SLC38A10: variants seen among roughly 807,000 people sequenced by gnomAD.
SLC38A10 encodes Sodium-coupled neutral amino acid transporter 10.
Under a neutral mutation model 81.0 loss-of-function variants are expected in SLC38A10, and 53 were observed. The ratio of observed to expected loss-of-function variants is 0.65; its 90% CI spans 0.53 to 0.82. The LOEUF (loss-of-function observed/expected upper bound fraction) is 0.82. Ranked by LOEUF, SLC38A10 falls within the 40% of genes least tolerant of loss-of-function variation. The probability of loss-of-function intolerance (pLI) is 0.00; values close to 1 mark genes in which losing one functional copy is unlikely to be tolerated. For synonymous variants in SLC38A10, 665 were observed against 655.3 expected, an observed-to-expected ratio of 1.01 and a Z score of -0.23; for missense variants, 1,471 against 1,545.0, an observed-to-expected ratio of 0.95 and a Z score of 0.80.
intron 6 of SLC38A10, chr17:81,279,613 C>G (rs7221140): frequency 6.5e-6 from 1 of 153,258 alleles, no homozygotes; most frequent in Non-Finnish European, 1.5e-5. Flanking sequence ...TTGAGCCGCA[C>G]GCTCCAGCGC....
chr17:81,272,951 T>C (rs72850609), intron 8 of SLC38A10, among the ~76,000 whole-genome samples: 9,733 of 152,262 alleles, frequency 0.064, 371 homozygotes, highest in East Asian at 0.13. Context: ...GAGAGTTTTT[T>C]AAGTGCCAGG....
rs1469412986 is a variant in SLC38A10 at position 81,288,650 on chromosome 17, C to T, written c.217+1041G>A. The T allele has an allele frequency of 6.6e-6, 1 of 152,326 alleles. No individual in the cohort carries two copies. Among genetic ancestry groups the T allele is most frequent in the Non-Finnish European group, 1.5e-5 (1 of 68,084 alleles). The allele number at this position is 152,326 out of a possible 1,614,324, so 9.4% of individuals were successfully genotyped here. On this transcript the variant is annotated intron_variant, in intron 2 of 15. Coordinates refer to ENST00000374759, the MANE Select transcript of SLC38A10 (RefSeq NM_001037984.3). This position sits in a 1 kb window ranked among gnomAD's most constrained non-coding sequence, Gnocchi z 5.4. ...AATGAAGCAGAAAGCGCAGCCTTCTCTCCTGGCTGAAACAGCATTAAAGCA... is the reference window on the plus strand; with the variant it reads ...AATGAAGCAGAAAGCGCAGCCTTCTTTCCTGGCTGAAACAGCATTAAAGCA...
At chr17:81,248,322 A>T (rs530110697) in intron 14 of SLC38A10, among the ~76,000 whole-genome samples, 41 of 152,252 alleles carry the variant, frequency 2.7e-4, no homozygotes, top group African/African-American at 9.6e-4. Flanking sequence ...AGCCATCCTA[A>T]CCACCGCTCC....
At chr17:81,250,802 A>G (rs1598378668) in intron 14 of SLC38A10, 1 of 994,584 alleles carries the variant, frequency 1.0e-6, no homozygotes, top group Non-Finnish European at 1.2e-6. Flanking sequence ...GGCTGCTGCT[A>G]CCCAACTGCA....
In SLC38A10 at chr17:81,283,342, A is replaced by T; in HGVS notation, c.357+67T>A. 1 of 1,433,248 alleles carries T rather than the reference A, an allele frequency of 7.0e-7. No individual in the cohort carries two copies. The highest frequency in any genetic ancestry group is 9.7e-7 in the Non-Finnish European group (1 of 1,032,956). 88.8% of individuals were successfully genotyped at this position (1,433,248 alleles called of 1,614,324 possible). ...CACCCAGGTCTCGGTCCTCGGGAGG[A>T]TCCCACAGAGGGCCTCAGAGCAGCC... On this transcript the variant is annotated intron_variant, in intron 4 of 15. Coordinates refer to ENST00000374759, the MANE Select transcript of SLC38A10 (RefSeq NM_001037984.3). The surrounding 1 kb of genome is among the most constrained non-coding windows in gnomAD (Gnocchi z 4.7).
At chr17:81,269,519 T>C (rs923544017) in intron 10 of SLC38A10, among the ~76,000 whole-genome samples, 1 of 152,062 alleles carries the variant, frequency 6.6e-6, no homozygotes, top group Non-Finnish European at 1.5e-5. Context: ...TAATGTACAC[T>C]GTAAGAATCT....
intron 11 of SLC38A10, among the ~76,000 whole-genome samples, chr17:81,256,175 G>A (rs567225900): frequency 5.3e-5 from 8 of 152,366 alleles, no homozygotes; most frequent in East Asian, 3.9e-4. Flanking sequence ...CAGCCACGGC[G>A]GAGGCGGATC....
In SLC38A10 at chr17:81,251,929, G is replaced by A. The variant is rs541724551; in HGVS notation, c.1945+266C>T. The stretch of plus-strand genomic sequence containing the variant: ...TCAGGCGCCCCCCGCGCCGCCCCCC[G>A]TGTGCGCCCAGACACACGAGCACAG... On this transcript the variant is annotated intron_variant, in intron 13 of 15. Coordinates refer to ENST00000374759, the MANE Select transcript of SLC38A10 (RefSeq NM_001037984.3). 1.3e-3 allele frequency: 710 copies of A among 550,074 alleles called. 5 individuals carry two copies. Among genetic ancestry groups the A allele is most frequent in the South Asian group, 0.011 (288 of 25,372 alleles). The allele number at this position is 550,074 out of a possible 1,614,324, so 34.1% of individuals were successfully genotyped here. A position where few individuals can be genotyped will look rare whatever the true frequency, so the allele number is the denominator to read the frequency against.
intron 1 of SLC38A10, among the ~76,000 whole-genome samples, chr17:81,291,121 GACGGTGAGGGGGGCGGGGGCGCTGC>G (rs1257052493): frequency 2.6e-5 from 4 of 152,194 alleles, no homozygotes; most frequent in African/African-American, 9.7e-5. Context: ...AACCTAGCTG[GACGGTGAGGGGGGCGGGGGCGCTGC>G]ACTTTCCAGT....
rs1862374791 is a variant in SLC38A10 at position 81,270,389 on chromosome 17, C to T, written c.1131+529G>A. On this transcript the variant is annotated intron_variant, in intron 10 of 15. Transcript: ENST00000374759. The surrounding 1 kb of genome is among the most constrained non-coding windows in gnomAD (Gnocchi z 4.0). ...CTGGGATTATGGAATCTTCCTACCA[C>T]GGAACCCATGAAACGGCTAAAAATA... Among the ~76,000 whole-genome samples, 2 of 152,338 alleles carry T rather than the reference C, an allele frequency of 1.3e-5. No homozygotes were observed. Among genetic ancestry groups the T allele is most frequent in the South Asian group, 4.1e-4 (2 of 4,830 alleles).
rs546890822 is a variant in SLC38A10 at position 81,252,819 on chromosome 17, G to A, written c.1457-136C>T. 6.3e-5 allele frequency: 86 copies of A among 1,358,170 alleles called. No individual in the cohort carries two copies. The South Asian group carries it at 8.1e-4, about 13-fold the overall frequency. 84.1% of individuals were successfully genotyped at this position (1,358,170 alleles called of 1,614,324 possible). A position where few individuals can be genotyped will look rare whatever the true frequency, so the allele number is the denominator to read the frequency against. On this transcript the variant is annotated intron_variant, in intron 12 of 15. Transcript: ENST00000374759. ...GCCAACAGATACCACCTCCCCTGCCGGCCTCCCTGCTGCCTGGCCAAGCAC... is the reference window on the plus strand; with the variant it reads ...GCCAACAGATACCACCTCCCCTGCCAGCCTCCCTGCTGCCTGGCCAAGCAC...
At chr17:81,262,948 T>C (rs762546528) in intron 10 of SLC38A10, 3 of 152,224 alleles carry the variant, frequency 2.0e-5, no homozygotes, top group East Asian at 1.9e-4. Context: ...ATCAAAACCA[T>C]GAACTCACTC....
chr17:81,254,197 A>G (rs2062951797), intron 11 of SLC38A10, among the ~76,000 whole-genome samples: 1 of 152,208 alleles, frequency 6.6e-6, no homozygotes, highest in Non-Finnish European at 1.5e-5. Context: ...ATTCACACAG[A>G]GTCCAGTTCA....
At chr17:81,251,231 G>T in intron 14 of SLC38A10, 2 of 1,449,816 alleles carry the variant, frequency 1.4e-6, no homozygotes, top group South Asian at 1.2e-5. Flanking sequence ...GGGAGCAAGG[G>T]AGATAAAACG....
chr17:81,283,874 T>A lies in SLC38A10; in HGVS notation c.264-372A>T, dbSNP rs139221749. Among the ~76,000 whole-genome samples the A allele has an allele frequency of 6.7e-6, 1 of 149,764 alleles. No individual in the cohort carries two copies. The highest frequency in any genetic ancestry group is 2.5e-5 in the African/African-American group (1 of 40,784). On this transcript the variant is annotated intron_variant, in intron 3 of 15. Transcript: ENST00000374759. The surrounding 1 kb of genome is among the most constrained non-coding windows in gnomAD (Gnocchi z 4.7). ...ATCCGCCTGCCTCAGCCTCCCAAAG[T>A]GCTGGGATTACAGGCGTGAGCCACT...
At chr17:81,284,631 T>C (rs1469347382) in intron 3 of SLC38A10, among the ~76,000 whole-genome samples, 1 of 152,148 alleles carries the variant, frequency 6.6e-6, no homozygotes, top group Non-Finnish European at 1.5e-5. Flanking sequence ...AGACTACAAC[T>C]GAGGGAGGAC....
chr17:81,287,334 G>A (rs1441774790), intron 2 of SLC38A10, among the ~76,000 whole-genome samples: 2 of 152,226 alleles, frequency 1.3e-5, no homozygotes, highest in East Asian at 1.9e-4. Flanking sequence ...GTCTGTGTGC[G>A]AGGACGGGAC....
At chr17:81,284,749 T>C (rs2063247628) in intron 3 of SLC38A10, 101 bp downstream of exon 3, 1 of 916,112 alleles carries the variant, frequency 1.1e-6, no homozygotes, top group East Asian at 3.0e-5. Flanking sequence ...AAACCTAAGT[T>C]ACAGGTGAAT....
intron 14 of SLC38A10, chr17:81,251,039 C>T (rs2062905601): frequency 7.0e-7 from 1 of 1,431,598 alleles, no homozygotes; most frequent in African/African-American, 1.4e-5. Context: ...AGGGCGGGCA[C>T]AGCCACCCCC....
Sources: allele counts gnomAD v4.1 joint callset (sites outside exome capture counted in the v4.1 genomes callset), GRCh38; gene constraint gnomAD v4.1.1; non-coding constraint Gnocchi (gnomAD v3.1); transcripts MANE v1.5; gene names NCBI Gene and HGNC (gene_info 2026-07-23, HGNC 2026-07-21).